The following CDKN2B-AS1 variants were observed in gnomAD, a reference collection of about 807,000 sequenced individuals.
CDKN2B-AS1 encodes CDKN2B and CDKN2A antisense cis and trans regulatory RNA 1, also known as CDKN2B antisense RNA 1 (non-protein coding).
chr9:22,060,617 T>A (rs1017916353), intron 4 of CDKN2B-AS1, among the ~76,000 whole-genome samples: 1 of 152,226 alleles, frequency 6.6e-6, no homozygotes, highest in African/African-American at 2.4e-5. Context: ...TTTTTGGGTA[T>A]CTATTCAGCA....
intron 4 of CDKN2B-AS1, among the ~76,000 whole-genome samples, chr9:22,126,057 A>G (rs1818012439): frequency 6.6e-6 from 1 of 152,160 alleles, no homozygotes; most frequent in Non-Finnish European, 1.5e-5. Context: ...ATTGCATATA[A>G]CTTTTGACTC....
chr9:22,032,704 C>G (rs1368354601), intron 1 of CDKN2B-AS1: 3 of 151,794 alleles, frequency 2.0e-5, no homozygotes, highest in African/African-American at 7.3e-5. Flanking sequence ...GTCATCAATA[C>G]CACTTGCTGT....
intron 1 of CDKN2B-AS1, among the ~76,000 whole-genome samples, chr9:22,014,274 C>T (rs2131206316): frequency 6.6e-6 from 1 of 152,202 alleles, no homozygotes. Context: ...GTGATCCTCC[C>T]ACCTCAGCTT....
At chr9:22,077,433 T>TA (rs1291073472) in intron 4 of CDKN2B-AS1, among the ~76,000 whole-genome samples, 2 of 152,184 alleles carry the variant, frequency 1.3e-5, no homozygotes, top group Admixed American at 1.3e-4. Context: ...AAAAAGTAGA[T>TA]ACATGTATCC....
At chr9:22,044,005 A>C (rs1353172064) in intron 1 of CDKN2B-AS1, among the ~76,000 whole-genome samples, 6 of 151,988 alleles carry the variant, frequency 3.9e-5, no homozygotes, top group Non-Finnish European at 7.4e-5. Context: ...TTTATTGAGG[A>C]CTTTACGTAT....
intron 4 of CDKN2B-AS1, among the ~76,000 whole-genome samples, chr9:22,089,678 G>A (rs956020748): frequency 6.6e-6 from 1 of 151,742 alleles, no homozygotes; most frequent in African/African-American, 2.4e-5. Flanking sequence ...TTGAACTCCT[G>A]GGCTCAAGTG....
intron 1 of CDKN2B-AS1, among the ~76,000 whole-genome samples, chr9:22,029,227 G>T (rs1260751518): frequency 2.0e-5 from 3 of 152,072 alleles, no homozygotes; most frequent in Non-Finnish European, 4.4e-5. Flanking sequence ...ATAGTCTCAG[G>T]ATATCACTCC....
intron 4 of CDKN2B-AS1, among the ~76,000 whole-genome samples, chr9:22,068,669 A>G (rs976170761): frequency 6.6e-6 from 1 of 152,224 alleles, no homozygotes; most frequent in Non-Finnish European, 1.5e-5. Context: ...TCAGCATTGC[A>G]TTACTGAATG....
In CDKN2B-AS1 at chr9:22,006,318, A is replaced by G. The variant is rs1017265867; in HGVS notation, n.29+11157A>G. The G allele has an allele frequency of 1.1e-5, 17 of 1,588,740 alleles. No individual in the cohort carries two copies. Among genetic ancestry groups the G allele is most frequent in the African/African-American group, 8.0e-5 (6 of 74,692 alleles). ...TGGGAGATGCCGGCCGGGGCAAGGC[A>G]GGTGGAGCCATTTAAAGAAACACCT... On this transcript the variant is annotated intron_variant and non_coding_transcript_variant, in intron 1 of 4. Coordinates refer to ENST00000650946, the Ensembl canonical transcript of CDKN2B-AS1. This position sits in a 1 kb window ranked among gnomAD's most constrained non-coding sequence, Gnocchi z 6.4.
At chr9:22,055,144 T>C (rs1390768241) in intron 3 of CDKN2B-AS1, among the ~76,000 whole-genome samples, 1 of 152,246 alleles carries the variant, frequency 6.6e-6, no homozygotes, top group Non-Finnish European at 1.5e-5. Context: ...TATTAAGGTA[T>C]AGTTAACAAA....
chr9:22,093,903 T>C (rs1825184359), intron 4 of CDKN2B-AS1, among the ~76,000 whole-genome samples: 1 of 144,780 alleles, frequency 6.9e-6, no homozygotes, highest in East Asian at 2.0e-4. Flanking sequence ...ATGAAGTTTC[T>C]TCCTAGCCTT....
At chr9:22,009,280 A>AG (rs1368468744) in intron 1 of CDKN2B-AS1, 2 of 493,328 alleles carry the variant, frequency 4.1e-6, no homozygotes, top group African/African-American at 3.9e-5. Context: ...CGGAGTCCTC[A>AG]CTGCCCCGCC....
intron 1 of CDKN2B-AS1, chr9:22,008,683 A>C (rs767443985): frequency 6.2e-7 from 1 of 1,609,748 alleles, no homozygotes; most frequent in East Asian, 2.2e-5. Flanking sequence ...ACCTCCGGCC[A>C]ACGGAGACTC....
chr9:22,022,078 T>C (rs1251365867), intron 1 of CDKN2B-AS1, among the ~76,000 whole-genome samples: 2 of 152,202 alleles, frequency 1.3e-5, no homozygotes, highest in Admixed American at 6.5e-5. Flanking sequence ...ATTCCAATTA[T>C]GTGATCAATT....
At chr9:22,085,402 GC>G (rs1824834511) in intron 4 of CDKN2B-AS1, among the ~76,000 whole-genome samples, 1 of 152,142 alleles carries the variant, frequency 6.6e-6, no homozygotes, top group Non-Finnish European at 1.5e-5. Context: ...TCTTGTTCTG[GC>G]CCCACACCAA....
chr9:22,099,254 G>A (rs1157695313), intron 4 of CDKN2B-AS1, among the ~76,000 whole-genome samples: 3 of 152,266 alleles, frequency 2.0e-5, no homozygotes, highest in East Asian at 1.9e-4. Context: ...GGGTAGTAGA[G>A]AGAAAGGAGG....
intron 4 of CDKN2B-AS1, among the ~76,000 whole-genome samples, chr9:22,125,896 G>A (rs1222343064): frequency 6.6e-6 from 1 of 152,174 alleles, no homozygotes; most frequent in Admixed American, 6.5e-5. Context: ...TCCAAGATCT[G>A]CCAGACATAT....
At chr9:22,030,980 AAT>A (rs1276669756) in intron 1 of CDKN2B-AS1, 2 of 152,296 alleles carry the variant, frequency 1.3e-5, no homozygotes, top group Non-Finnish European at 2.9e-5. Context: ...GGTAACAATG[AAT>A]ATGTTTGTTT....
At position 22,006,083 on chromosome 9, in the gene CDKN2B-AS1, G is replaced by A. The variant is rs2131180779; in HGVS notation, n.29+10922G>A. 1 of 1,607,492 alleles carries A rather than the reference G, an allele frequency of 6.2e-7. No homozygotes were observed. Among genetic ancestry groups the A allele is most frequent in the East Asian group, 2.2e-5 (1 of 44,872 alleles). ...GCAGACGACCCCAGGCATCGCGCAC[G>A]TCCAGCCGCGCCCCGGCCCGGTGCA... On this transcript the variant is annotated intron_variant and non_coding_transcript_variant, in intron 1 of 4. Coordinates refer to ENST00000650946, the Ensembl canonical transcript of CDKN2B-AS1. The surrounding 1 kb of genome is among the most constrained non-coding windows in gnomAD (Gnocchi z 6.4).
Sources: gnomAD v4.1 joint callset for allele counts (sites outside exome capture counted in the v4.1 genomes callset) on GRCh38, gnomAD v4.1.1 for gene constraint, Gnocchi (gnomAD v3.1) non-coding constraint, MANE v1.5 for transcripts, NCBI Gene and HGNC (gene_info 2026-07-23, HGNC 2026-07-21) for gene names.